PTK7: variants seen among roughly 807,000 people sequenced by gnomAD.
The protein encoded by PTK7 is protein tyrosine kinase 7 (inactive), also known as inactive tyrosine-protein kinase 7.
PTK7 carries 39 observed loss-of-function variants against 116.6 expected under a neutral mutation model. The ratio of observed to expected loss-of-function variants is 0.33; its 90% CI spans 0.26 to 0.44. The LOEUF is 0.44. PTK7 is among the 20% of genes least tolerant of loss of function. The probability of loss-of-function intolerance (pLI) is 1.00; values close to 1 mark genes in which losing one functional copy is unlikely to be tolerated. For synonymous variants in PTK7, 546 were observed against 563.6 expected, an observed-to-expected ratio of 0.97 and a Z score of 0.44; for missense variants, 1,169 against 1,425.6, an observed-to-expected ratio of 0.82 and a Z score of 2.90.
At chr6:43,088,431 A>G (rs940316930) in intron 1 of PTK7, among the ~76,000 whole-genome samples, 7 of 152,044 alleles carry the variant, frequency 4.6e-5, no homozygotes, top group African/African-American at 1.7e-4. Context: ...GCCGTGGCTC[A>G]TACCTGTAAT....
At chr6:43,130,727 TG>T in intron 5 of PTK7, 66 bp downstream of exon 5, 1 of 1,565,252 alleles carries the variant, frequency 6.4e-7, no homozygotes, top group Non-Finnish European at 8.8e-7. Flanking sequence ...TAGAAGGGGG[TG>T]CGATTTGTAT....
At position 43,114,559 on chromosome 6, in the gene PTK7, G is replaced by C. The variant is rs184594784; in HGVS notation, c.80-14418G>C. On this transcript the variant is annotated intron_variant, in intron 1 of 19. Coordinates refer to ENST00000230419, the MANE Select transcript of PTK7 (RefSeq NM_002821.5). Reference sequence around the variant, plus strand: ...CCAGACTTGAGTGAAGCCAGATCTCGGTGCCTTCCAGACCCTGACTGAAAG... The same window carrying C: ...CCAGACTTGAGTGAAGCCAGATCTCCGTGCCTTCCAGACCCTGACTGAAAG... Among the ~76,000 whole-genome samples the C allele has an allele frequency of 4.4e-3, 670 of 152,132 alleles. 2 individuals are homozygous for C. Among genetic ancestry groups the C allele is most frequent in the Middle Eastern group, 0.01 (3 of 294 alleles).
At chr6:43,100,171 C>G (rs143672757) in intron 1 of PTK7, among the ~76,000 whole-genome samples, 225 of 152,180 alleles carry the variant, frequency 1.5e-3, no homozygotes, top group African/African-American at 5.2e-3. Flanking sequence ...ATCACGAGGT[C>G]AAGAGATGGA....
intron 1 of PTK7, among the ~76,000 whole-genome samples, chr6:43,088,095 T>C (rs1766755322): frequency 6.6e-6 from 1 of 151,372 alleles, no homozygotes; most frequent in Admixed American, 6.6e-5. Flanking sequence ...CCCAGGAATT[T>C]GAGACTAGCC....
At position 43,141,494 on chromosome 6, in the gene PTK7, G is replaced by A. The variant is rs1003356531; in HGVS notation, c.1619-174G>A. 1.3e-5 allele frequency among the ~76,000 whole-genome samples: 2 copies of A among 152,156 alleles called. No individual in the cohort carries two copies. Among genetic ancestry groups the A allele is most frequent in the Non-Finnish European group, 2.9e-5 (2 of 68,028 alleles). ...AGGAAGAGGTGAGACTGAAGAATTG[G>A]AAGAGGGGTAAATAACGGAGGGGCT... is the stretch of plus-strand genomic sequence containing the variant. On this transcript the variant is annotated intron_variant, in intron 10 of 19. Transcript: ENST00000230419. The surrounding 1 kb of genome is among the most constrained non-coding windows in gnomAD (Gnocchi z 4.9).
intron 1 of PTK7, among the ~76,000 whole-genome samples, chr6:43,092,393 T>C (rs1232184331): frequency 6.6e-6 from 1 of 151,976 alleles, no homozygotes; most frequent in East Asian, 1.9e-4. Context: ...CTTGAACTCC[T>C]AGACTCAAGC....
rs754648898 is a variant in PTK7 at position 43,132,695 on chromosome 6, C to T, written c.1228+8C>T. 4.5e-6 allele frequency: 7 copies of T among 1,556,796 alleles called. No homozygotes were observed. The African/African-American group carries it at 6.8e-5, about 15-fold the overall frequency. On this transcript the variant is annotated splice_region_variant and intron_variant, in intron 7 of 19. Transcript: ENST00000230419. ...TCAACATCACTGTGGCCAGTGAGCACCTTTGCCCTGAAGGTCAAGGAGAGG... is the reference window on the plus strand; with the variant it reads ...TCAACATCACTGTGGCCAGTGAGCATCTTTGCCCTGAAGGTCAAGGAGAGG...
Position 43,076,497 on chromosome 6 carries a change from T to G in PTK7, c.9T>G (p.Ala3=). The G allele has an allele frequency of 6.4e-7, 1 of 1,569,812 alleles. No individual in the cohort carries two copies. The highest frequency in any genetic ancestry group is 8.6e-7 in the Non-Finnish European group (1 of 1,163,274). ...TTCCTGAGCCCGCCGCGATGGGAGCTGCGCGGGGATCCCCGGCCAGACCCC... is the reference window on the plus strand; with the variant it reads ...TTCCTGAGCCCGCCGCGATGGGAGCGGCGCGGGGATCCCCGGCCAGACCCC... The part of the protein sequence containing the change: MG[A]ARGSPARPRR... Residue 3 remains alanine, a synonymous_variant, in exon 1 of 20, where the codon GCT becomes GCG. Coordinates refer to ENST00000230419, the MANE Select transcript of PTK7 (RefSeq NM_002821.5). The surrounding 1 kb of genome is among the most constrained non-coding windows in gnomAD (Gnocchi z 5.7).
intron 5 of PTK7, 46 bp downstream of exon 5, chr6:43,130,707 A>G: frequency 1.3e-6 from 2 of 1,598,688 alleles, no homozygotes; most frequent in Non-Finnish European, 8.6e-7. Flanking sequence ...TACCACACAC[A>G]TGCATTCTGT....
At chr6:43,132,855 G>A in intron 7 of PTK7, 168 bp downstream of exon 7, 1 of 957,022 alleles carries the variant, frequency 1.0e-6, no homozygotes, top group Non-Finnish European at 1.6e-6. Context: ...AGAGAGCCAG[G>A]CACAGGGGTT....
At chr6:43,127,008 A>G (rs1451542159) in intron 1 of PTK7, among the ~76,000 whole-genome samples, 1 of 152,208 alleles carries the variant, frequency 6.6e-6, no homozygotes, top group Admixed American at 6.5e-5. Context: ...GCAGCCCCTC[A>G]TCTGGACCCA....
intron 14 of PTK7, 181 bp from the exon 15 acceptor site, chr6:43,144,252 TCATACCCTAGGGGATAGC>T: frequency 1.6e-6 from 1 of 619,720 alleles, no homozygotes; most frequent in South Asian, 2.0e-5. Flanking sequence ...CACTAAGGGG[TCATACCCTAGGGGATAGC>T]CATACATCCC....
At chr6:43,159,182 A>G (rs1019761431) in intron 18 of PTK7, among the ~76,000 whole-genome samples, 1 of 152,194 alleles carries the variant, frequency 6.6e-6, no homozygotes, top group Non-Finnish European at 1.5e-5. Context: ...AAATGTCTCT[A>G]GCGATTAAAT....
At position 43,092,950 on chromosome 6, in the gene PTK7, C is replaced by A. The variant is rs75738576; in HGVS notation, c.79+16383C>A. Among the ~76,000 whole-genome samples, 885 of 152,164 alleles carry A rather than the reference C, an allele frequency of 5.8e-3. 6 individuals are homozygous for A. The highest frequency in any genetic ancestry group is 0.02 in the African/African-American group (845 of 41,500). On this transcript the variant is annotated intron_variant, in intron 1 of 19. Transcript: ENST00000230419. ...TTGCTTCCCATCTACCAGTAACTTT[C>A]AATAAAACCTGTTTTCCTTTTAGTC...
At chr6:43,114,731 T>C (rs1358889534) in intron 1 of PTK7, among the ~76,000 whole-genome samples, 1 of 152,210 alleles carries the variant, frequency 6.6e-6, no homozygotes, top group African/African-American at 2.4e-5. Context: ...TGAAGTGGGC[T>C]GTCCTTAGGC....
intron 7 of PTK7, among the ~76,000 whole-genome samples, chr6:43,137,829 T>C (rs989103468): frequency 1.3e-5 from 2 of 152,166 alleles, no homozygotes; most frequent in African/African-American, 2.4e-5. Context: ...TTATTTGAGA[T>C]GGAGTCTCAC....
chr6:43,123,172 GT>G (rs1769064795), intron 1 of PTK7, among the ~76,000 whole-genome samples: 1 of 151,934 alleles, frequency 6.6e-6, no homozygotes, highest in Non-Finnish European at 1.5e-5. Flanking sequence ...GGCCAAGCTG[GT>G]CTCAAACTCC....
chr6:43,093,939 G>C (rs1362796462), intron 1 of PTK7, among the ~76,000 whole-genome samples: 2 of 152,180 alleles, frequency 1.3e-5, no homozygotes, highest in Non-Finnish European at 2.9e-5. Context: ...TCATGCTCCT[G>C]TGCAAACATC....
chr6:43,157,365 T>TATATATATATATATATGTATA (rs1554162298), intron 17 of PTK7, among the ~76,000 whole-genome samples: 1 of 26,908 alleles, frequency 3.7e-5, no homozygotes, highest in Non-Finnish European at 6.8e-5. Flanking sequence ...TATATATATA[T>TATATATATATATATATGTATA]TTTTTTTTTT....
Sources: gnomAD v4.1 joint callset for allele counts (sites outside exome capture counted in the v4.1 genomes callset) on GRCh38, gnomAD v4.1.1 for gene constraint, Gnocchi (gnomAD v3.1) non-coding constraint, MANE v1.5 for transcripts, NCBI Gene and HGNC (gene_info 2026-07-23, HGNC 2026-07-21) for gene names.